ZNF808: variants seen among roughly 807,000 people sequenced by gnomAD.
ZNF808 encodes the protein zinc finger protein 808.
Under a neutral mutation model 8.7 loss-of-function variants are expected in ZNF808, and 5 were observed. The observed-to-expected ratio is 0.58, with a 90% CI of 0.30 to 1.21. The LOEUF is 1.21. Among genes scored for constraint, ZNF808 ranks in the 50% most tolerant of loss-of-function variants. The pLI is 0.07. For synonymous variants in ZNF808, 380 were observed against 366.0 expected, an observed-to-expected ratio of 1.04 and a Z score of -0.44; for missense variants, 1,103 against 1,098.4, an observed-to-expected ratio of 1.00 and a Z score of -0.06.
intron 3 of ZNF808, among the ~76,000 whole-genome samples, chr19:52,561,418 T>C (rs141475226): frequency 4.1e-4 from 63 of 152,142 alleles, no homozygotes; most frequent in African/African-American, 1.4e-3. Context: ...CTACTGTGCT[T>C]AAAAACATGG....
chr19:52,535,566 G>A lies in ZNF808; in HGVS notation c.-20+2557G>A, dbSNP rs547174470. Among the ~76,000 whole-genome samples, 104 of 152,232 alleles carry A rather than the reference G, an allele frequency of 6.8e-4. 1 individual carries two copies. Among genetic ancestry groups the A allele is most frequent in the Admixed American group, 1.3e-3 (20 of 15,290 alleles). ...GTGACCTCACTCCTCCCTGGCCTGA[G>A]CACTCCGTCCCGCATCCCAGGCGGA... On this transcript the variant is annotated intron_variant, in intron 2 of 4. Transcript: ENST00000359798.
In ZNF808 at chr19:52,553,611, C is replaced by A. The variant is rs566135381; in HGVS notation, c.695C>A (p.Pro232Gln). 6.8e-5 allele frequency: 109 copies of A among 1,614,150 alleles called. No homozygotes were observed. In the South Asian group the frequency reaches 8.9e-4, roughly 13 times the overall value. ...GTACACATGAGAGAAAAATCTTTCC[C>A]ATGTAATGAGAGTGGCAAAGCCTTT... The part of the protein sequence containing the change: ...QEVHMREKSF[P>Q]CNESGKAFNC... Residue 232 changes from proline to glutamine, a missense_variant, in exon 5 of 5, where the codon CCA becomes CAA. Coordinates refer to ENST00000359798, the MANE Select transcript of ZNF808 (RefSeq NM_001039886.4).
At chr19:52,565,040 A>G (rs1324321041), downstream of ZNF808, among the ~76,000 whole-genome samples, 5 of 152,128 alleles carry the variant, frequency 3.3e-5, no homozygotes, top group Non-Finnish European at 7.3e-5. Context: ...GAGCCGAGAT[A>G]GCACCACTGC....
At chr19:52,537,313 A>T (rs1568480324) in intron 2 of ZNF808, among the ~76,000 whole-genome samples, 1 of 152,090 alleles carries the variant, frequency 6.6e-6, no homozygotes, top group African/African-American at 2.4e-5. Context: ...AATCCCAGGG[A>T]AAAAGAAAAG....
At chr19:52,533,781 T>G (rs1484412945) in intron 2 of ZNF808, among the ~76,000 whole-genome samples, 1 of 134,666 alleles carries the variant, frequency 7.4e-6, no homozygotes, top group African/African-American at 2.8e-5. Context: ...AGGCAGAGGT[T>G]GCAGTGAGCC....
At chr19:52,549,789 C>G (rs1190660061) in intron 4 of ZNF808, among the ~76,000 whole-genome samples, 1 of 152,144 alleles carries the variant, frequency 6.6e-6, no homozygotes, top group Non-Finnish European at 1.5e-5. Flanking sequence ...TTTTGTAATG[C>G]TGAACACCCC....
Position 52,553,170 on chromosome 19 carries a change from T to A in ZNF808, c.254T>A (p.Ile85Asn), listed in dbSNP as rs2059794525. The change falls in exon 5 of 5, where the codon ATC becomes AAC. Residue 85 changes from isoleucine to asparagine, a missense_variant. Ile to Asn is a moderately radical substitution (Grantham distance 149). Transcript: ENST00000359798. ...LSTGQGNREVIHTGTLQRHQS... is the reference protein window; with the variant it reads ...LSTGQGNREVNHTGTLQRHQS... ...ACAGGGCAAGGCAATAGAGAAGTGA[T>A]CCACACAGGGACATTGCAAAGACAT... 1 of 1,606,544 alleles carries A rather than the reference T, an allele frequency of 6.2e-7. No individual in the cohort carries two copies.
At chr19:52,563,971 G>C in exon 4 of ZNF808, 2 of 361,852 alleles carry the variant, frequency 5.5e-6, no homozygotes. Context: ...ACTCCAGCCT[G>C]GGCAACAAGA....
At chr19:52,553,038 A>G (rs1482413756) in intron 4 of ZNF808, 69 bp from the exon 5 acceptor site, 29 of 1,461,522 alleles carry the variant, frequency 2.0e-5, no homozygotes, top group Middle Eastern at 1.8e-4. Flanking sequence ...TTTGTGTCAT[A>G]TTTACACACT....
chr19:52,529,184 T>G (rs909796466), intron 1 of ZNF808, among the ~76,000 whole-genome samples: 1 of 148,278 alleles, frequency 6.7e-6, no homozygotes, highest in Non-Finnish European at 1.5e-5. Context: ...GAGACCAGCC[T>G]GGGCAACATA....
chr19:52,538,502 G>A (rs2059635720), intron 2 of ZNF808, among the ~76,000 whole-genome samples: 1 of 150,728 alleles, frequency 6.6e-6, no homozygotes, highest in African/African-American at 2.4e-5. Flanking sequence ...GCGCCACCAT[G>A]CCCTGCTAAT....
intron 4 of ZNF808, among the ~76,000 whole-genome samples, chr19:52,549,177 A>G (rs1224139871): frequency 1.3e-5 from 2 of 151,804 alleles, no homozygotes; most frequent in Admixed American, 1.3e-4. Flanking sequence ...ACAGTGTTTC[A>G]CCATGCTGGC....
At chr19:52,538,423 C>A (rs3960293) in intron 2 of ZNF808, among the ~76,000 whole-genome samples, 69,145 of 143,736 alleles carry the variant, frequency 0.48, 13,609 homozygotes, top group African/African-American at 0.66. Context: ...GCTAATGACT[C>A]TCTGTGCCTT....
At chr19:52,533,491 A>T (rs142609695) in intron 2 of ZNF808, among the ~76,000 whole-genome samples, 2,777 of 151,786 alleles carry the variant, frequency 0.018, 79 homozygotes, top group African/African-American at 0.064. Context: ...CTTCCAAAGT[A>T]CTGGGATTAC....
At chr19:52,549,744 CT>C (rs1431704509) in intron 4 of ZNF808, among the ~76,000 whole-genome samples, 1 of 152,178 alleles carries the variant, frequency 6.6e-6, no homozygotes, top group Non-Finnish European at 1.5e-5. Flanking sequence ...ATACATTGAT[CT>C]GGATGCAAAT....
In ZNF808 at chr19:52,555,756, C is replaced by A; in HGVS notation, c.*128C>A. On this transcript the variant is annotated 3_prime_UTR_variant, in exon 5 of 5. Coordinates refer to ENST00000359798, the MANE Select transcript of ZNF808 (RefSeq NM_001039886.4). The stretch of plus-strand genomic sequence containing the variant: ...TTTTTCAGACATTGTTCATACATTG[C>A]AGTTCATTGGCAACCTCATACTGGA... The A allele has an allele frequency of 7.3e-7, 1 of 1,372,296 alleles. No homozygotes were observed. Among genetic ancestry groups the A allele is most frequent in the Non-Finnish European group, 1.0e-6 (1 of 989,068 alleles). The allele number at this position is 1,372,296 out of a possible 1,614,324, so 85.0% of individuals were successfully genotyped here. A position where few individuals can be genotyped will look rare whatever the true frequency, so the allele number is the denominator to read the frequency against.
intron 3 of ZNF808, among the ~76,000 whole-genome samples, chr19:52,543,882 A>G (rs1487734840): frequency 6.6e-6 from 1 of 151,114 alleles, no homozygotes; most frequent in Admixed American, 6.6e-5. Flanking sequence ...TGTTGGTCCC[A>G]GTGCAGTGGC....
At chr19:52,545,637 A>C (rs1275402449) in intron 3 of ZNF808, among the ~76,000 whole-genome samples, 1 of 152,084 alleles carries the variant, frequency 6.6e-6, no homozygotes, top group Admixed American at 6.6e-5. Flanking sequence ...AATTAGATGG[A>C]TGTGGTGGCA....
intron 3 of ZNF808, among the ~76,000 whole-genome samples, chr19:52,562,044 T>C (rs1457107323): frequency 3.9e-5 from 6 of 152,116 alleles, no homozygotes; most frequent in African/African-American, 1.4e-4. Flanking sequence ...CCACAGTGGC[T>C]AACACCTCTA....
Sources: allele counts gnomAD v4.1 joint callset (sites outside exome capture counted in the v4.1 genomes callset), GRCh38; gene constraint gnomAD v4.1.1; transcripts MANE v1.5; gene names NCBI Gene and HGNC (gene_info 2026-07-23, HGNC 2026-07-21).